Variants in LIN28B observed in about 807,000 individuals in gnomAD.
LIN28B encodes the protein lin-28 RNA binding posttranscriptional regulator B.
LIN28B carries 5 observed loss-of-function variants against 21.9 expected under a neutral mutation model. The ratio of observed to expected loss-of-function variants is 0.23; its 90% CI spans 0.12 to 0.48. The LOEUF is 0.48. LIN28B is among the 20% of genes least tolerant of loss of function. The probability of loss-of-function intolerance (pLI) is 0.98; values close to 1 mark genes in which losing one functional copy is unlikely to be tolerated. For synonymous variants in LIN28B, 109 were observed against 111.3 expected (o/e 0.98, Z 0.13); for missense variants, 245 against 310.5 (o/e 0.79, Z 1.58).
intron 3 of LIN28B, among the ~76,000 whole-genome samples, chr6:105,066,321 G>A (rs945336500): frequency 6.6e-6 from 1 of 152,184 alleles, no homozygotes; most frequent in Admixed American, 6.5e-5. Flanking sequence ...ATTATTAGTT[G>A]CATCAAAGGT....
At chr6:105,031,595 G>A (rs544945530) in intron 3 of LIN28B, among the ~76,000 whole-genome samples, 10 of 150,164 alleles carry the variant, frequency 6.7e-5, no homozygotes, top group Non-Finnish European at 1.2e-4. Context: ...GTGCAGTGGC[G>A]CAGTCTTGGC....
At chr6:105,053,814 C>T (rs1396461336) in intron 3 of LIN28B, among the ~76,000 whole-genome samples, 1 of 151,720 alleles carries the variant, frequency 6.6e-6, no homozygotes, top group Non-Finnish European at 1.5e-5. Flanking sequence ...CTCACTGCAA[C>T]CTCAGCCTCC....
intron 3 of LIN28B, among the ~76,000 whole-genome samples, chr6:105,043,341 C>CAAAAAAAAAAAAAAAAAA (rs57532096): frequency 2.7e-5 from 2 of 75,382 alleles, no homozygotes; most frequent in African/African-American, 1.4e-4. Flanking sequence ...GACTCTGTCT[C>CAAAAAAAAAAAAAAAAAA]AAAAAAAAAA....
intron 2 of LIN28B, among the ~76,000 whole-genome samples, chr6:104,937,449 TAG>T (rs1778023583): frequency 6.6e-6 from 1 of 152,048 alleles, no homozygotes; most frequent in African/African-American, 2.4e-5. Context: ...TGATTTTTTG[TAG>T]AGACGGTTTC....
intron 2 of LIN28B, among the ~76,000 whole-genome samples, chr6:104,948,866 A>T (rs1001447679): frequency 6.6e-6 from 1 of 152,210 alleles, no homozygotes; most frequent in African/African-American, 2.4e-5. Flanking sequence ...AAGTTTGAAT[A>T]GTGAAAAATC....
At chr6:104,964,042 C>T (rs1055383197) in intron 2 of LIN28B, among the ~76,000 whole-genome samples, 5 of 152,098 alleles carry the variant, frequency 3.3e-5, no homozygotes, top group African/African-American at 1.2e-4. Context: ...TAATTTTTGT[C>T]GCTTTCAGGC....
intron 2 of LIN28B, among the ~76,000 whole-genome samples, chr6:105,000,256 A>G (rs955348710): frequency 1.3e-5 from 2 of 152,124 alleles, no homozygotes; most frequent in African/African-American, 4.8e-5. Flanking sequence ...AAAAACAGTT[A>G]TATCTCCATC....
At chr6:105,075,069 T>C (rs1206245218) in intron 3 of LIN28B, among the ~76,000 whole-genome samples, 1 of 152,230 alleles carries the variant, frequency 6.6e-6, no homozygotes, top group Non-Finnish European at 1.5e-5. Flanking sequence ...CAGCATTTAA[T>C]AAAGTACTTA....
intron 2 of LIN28B, among the ~76,000 whole-genome samples, chr6:105,017,897 A>G (rs190162250): frequency 6.6e-6 from 1 of 152,184 alleles, no homozygotes; most frequent in African/African-American, 2.4e-5. Flanking sequence ...TCAAATAAAG[A>G]AGTTGAAATT....
At chr6:104,965,659 T>G (rs1769839671) in intron 2 of LIN28B, among the ~76,000 whole-genome samples, 1 of 152,206 alleles carries the variant, frequency 6.6e-6, no homozygotes, top group Non-Finnish European at 1.5e-5. Context: ...AGTCCTGGGA[T>G]TACAGGCATG....
At chr6:105,039,156 C>T (rs1356967853) in intron 3 of LIN28B, among the ~76,000 whole-genome samples, 1 of 152,164 alleles carries the variant, frequency 6.6e-6, no homozygotes, top group Admixed American at 6.5e-5. Context: ...CATCAGAGCA[C>T]TTTGCATGTA....
At chr6:104,947,901 A>G (rs533264573) in intron 2 of LIN28B, among the ~76,000 whole-genome samples, 2 of 152,234 alleles carry the variant, frequency 1.3e-5, no homozygotes, top group South Asian at 4.1e-4. Flanking sequence ...CTAAATATAC[A>G]CAGTCTCTCT....
intron 2 of LIN28B, among the ~76,000 whole-genome samples, chr6:104,942,791 C>G (rs1778112244): frequency 6.6e-6 from 1 of 152,120 alleles, no homozygotes; most frequent in African/African-American, 2.4e-5. Flanking sequence ...TTTGACTTTT[C>G]CATTTTACAA....
chr6:104,944,332 A>G (rs1258800304), intron 2 of LIN28B, among the ~76,000 whole-genome samples: 1 of 152,154 alleles, frequency 6.6e-6, no homozygotes, highest in Non-Finnish European at 1.5e-5. Context: ...AACCCGTTTA[A>G]GCAACTAGTT....
At chr6:104,942,052 GT>G (rs1417651508) in intron 2 of LIN28B, among the ~76,000 whole-genome samples, 4 of 152,120 alleles carry the variant, frequency 2.6e-5, no homozygotes. Context: ...TTGTGGGTTT[GT>G]TTTCATCCGT....
chr6:105,007,311 AATTTATT>A (rs1251165456), intron 2 of LIN28B, among the ~76,000 whole-genome samples: 1 of 152,206 alleles, frequency 6.6e-6, no homozygotes, highest in Non-Finnish European at 1.5e-5. Flanking sequence ...AAAACAGTTG[AATTTATT>A]ATTCAAAATA....
At chr6:104,958,847 G>T (rs906597371) in intron 2 of LIN28B, among the ~76,000 whole-genome samples, 1 of 152,158 alleles carries the variant, frequency 6.6e-6, no homozygotes, top group African/African-American at 2.4e-5. Flanking sequence ...TAATGTGGTT[G>T]TAAAGAAATG....
intron 2 of LIN28B, among the ~76,000 whole-genome samples, chr6:105,004,305 A>G (rs1439724104): frequency 6.6e-6 from 1 of 152,176 alleles, no homozygotes; most frequent in Non-Finnish European, 1.5e-5. Context: ...CTTGAATCCA[A>G]TCAAGTTGAC....
At chr6:104,963,523 C>G (rs1769797618) in intron 2 of LIN28B, among the ~76,000 whole-genome samples, 1 of 152,048 alleles carries the variant, frequency 6.6e-6, no homozygotes, top group African/African-American at 2.4e-5. Context: ...AAGATGTAGG[C>G]CTTTCTCCTG....
Sources: gnomAD v4.1 joint callset for allele counts (sites outside exome capture counted in the v4.1 genomes callset) on GRCh38, gnomAD v4.1.1 for gene constraint, MANE v1.5 for transcripts, NCBI Gene and HGNC (gene_info 2026-07-23, HGNC 2026-07-21) for gene names.